Variants in RNASEH2B observed in about 807,000 individuals in gnomAD.
RNASEH2B encodes Aicardi-Goutieres syndrome 2 protein.
RNASEH2B carries 36 observed loss-of-function variants against 45.0 expected under a neutral mutation model. The ratio of observed to expected loss-of-function variants is 0.80; its 90% confidence interval spans 0.61 to 1.06. The LOEUF (loss-of-function observed/expected upper bound fraction) is 1.06. RNASEH2B is among the 50% of genes least tolerant of loss of function. The probability of loss-of-function intolerance (pLI) is 0.00; values close to 1 mark genes in which losing one functional copy is unlikely to be tolerated. For missense variants in RNASEH2B, 361 were observed against 360.3 expected (o/e 1.00, Z -0.02); for synonymous variants, 119 against 125.7 (o/e 0.95, Z 0.35).
intron 8 of RNASEH2B, chr13:50,949,077 T>A (rs1416597254): frequency 5.7e-6 from 1 of 176,250 alleles, no homozygotes; most frequent in East Asian, 1.6e-4. Context: ...GGAAGAAAAG[T>A]TGAAATTTAT....
chr13:50,936,618 C>T (rs1951756039), intron 5 of RNASEH2B: 1 of 152,146 alleles, frequency 6.6e-6, no homozygotes, highest in Non-Finnish European at 1.5e-5. Flanking sequence ...TAGCCCATAA[C>T]CACTTTTAAA....
At chr13:50,916,003 C>T (rs1477569786) in intron 1 of RNASEH2B, among the ~76,000 whole-genome samples, 2 of 149,556 alleles carry the variant, frequency 1.3e-5, no homozygotes, top group South Asian at 2.1e-4. Context: ...TACATTTACA[C>T]GTTTTTCTCA....
intron 5 of RNASEH2B, chr13:50,937,288 C>T (rs1468954646): frequency 6.6e-6 from 1 of 152,112 alleles, no homozygotes; most frequent in Non-Finnish European, 1.5e-5. Flanking sequence ...GTGGCACAAT[C>T]ACGGCTCACT....
chr13:50,931,955 T>TACACACACACACAC lies in RNASEH2B; in HGVS notation c.321+1211_321+1224dup, dbSNP rs60335654. 8.9e-3 allele frequency among the ~76,000 whole-genome samples: 1,326 copies of TACACACACACACAC among 149,002 alleles called. 26 individuals are homozygous for TACACACACACACAC. Among genetic ancestry groups the TACACACACACACAC allele is most frequent in the East Asian group, 0.038 (195 of 5,080 alleles). ...TTCCAAATGTTGACACATCTCATTTTACACACACACACACACACACACACA... is the reference window on the plus strand; with the variant it reads ...TTCCAAATGTTGACACATCTCATTTTACACACACACACACACACACACACACACACACACACACA... On this transcript the variant is annotated intron_variant, in intron 4 of 10. Coordinates refer to ENST00000336617, the MANE Select transcript of RNASEH2B (RefSeq NM_024570.4).
intron 9 of RNASEH2B, chr13:50,950,523 A>T (rs1377198010): frequency 1.3e-5 from 2 of 152,224 alleles, no homozygotes; most frequent in Non-Finnish European, 2.9e-5. Context: ...TGTAAGATCT[A>T]AGGACTGCTC....
rs1439874304 is a variant in RNASEH2B, at chr13:50,953,923, G to A, written c.760G>A (p.Glu254Lys). The A allele has an allele frequency of 2.5e-6, 4 of 1,604,412 alleles. No homozygotes were observed. The African/African-American group carries it at 4.0e-5, about 16-fold the overall frequency. Residue 254 changes from glutamate (E) to lysine (K), a missense_variant, in exon 10 of 11, where the codon GAG (glutamate) becomes AAG (lysine). Transcript: ENST00000336617. ...PPSKKIKLSD[E>K]PVEAKEDYTK... ...GTTGCAGAAAATAAAGTTATCAGAT[G>A]AGCCTGTAGAAGCAAAAGAAGATTA...
At chr13:50,947,097 A>T (rs2137996852) in intron 7 of RNASEH2B, among the ~76,000 whole-genome samples, 1 of 152,296 alleles carries the variant, frequency 6.6e-6, no homozygotes, top group African/African-American at 2.4e-5. Context: ...AATGGAAAAA[A>T]GGAAGTGAGT....
At chr13:50,914,235 C>T (rs186914460) in intron 1 of RNASEH2B, among the ~76,000 whole-genome samples, 7 of 152,150 alleles carry the variant, frequency 4.6e-5, no homozygotes, top group African/African-American at 1.2e-4. Context: ...TACCTAATGG[C>T]TCATGGTTAA....
intron 9 of RNASEH2B, among the ~76,000 whole-genome samples, chr13:50,964,838 C>T (rs1464006974): frequency 1.3e-5 from 2 of 152,140 alleles, no homozygotes; most frequent in African/African-American, 4.8e-5. Flanking sequence ...TGGTTTGTCT[C>T]TATGTGCCTT....
chr13:50,930,860 C>T (rs908126088), intron 4 of RNASEH2B, 101 bp downstream of exon 4: 23 of 907,424 alleles, frequency 2.5e-5, no homozygotes, highest in Non-Finnish European at 1.5e-5. Context: ...TGGATTCTAC[C>T]TTCAGATCTA....
At chr13:50,927,603 G>A in intron 2 of RNASEH2B, 125 bp downstream of exon 2, 1 of 710,356 alleles carries the variant, frequency 1.4e-6, no homozygotes. Context: ...ACCGTGAGGA[G>A]AAGAAAACAA....
In RNASEH2B at chr13:50,970,369, A is replaced by G. The variant is rs746488612; in HGVS notation, c.*405A>G. The G allele has an allele frequency of 5.8e-4, 233 of 404,856 alleles. 1 individual carries two copies. Among genetic ancestry groups the G allele is most frequent in the Middle Eastern group, 2.5e-3 (4 of 1,630 alleles). The allele number at this position is 404,856 out of a possible 1,614,324, so 25.1% of individuals were successfully genotyped here. A position where few individuals can be genotyped will look rare whatever the true frequency, so the allele number is the denominator to read the frequency against. On this transcript the variant is annotated 3_prime_UTR_variant, in exon 10 of 10. Coordinates refer to the RNASEH2B transcript ENST00000422660. ...TAAAAATCTGACACTGCTTTACTCCATATCAATTTGGAAGCTTCTAATTCA... is the reference window on the plus strand; with the variant it reads ...TAAAAATCTGACACTGCTTTACTCCGTATCAATTTGGAAGCTTCTAATTCA...
At chr13:50,951,917 C>T (rs1305983303) in intron 9 of RNASEH2B, 3 of 152,114 alleles carry the variant, frequency 2.0e-5, no homozygotes, top group African/African-American at 7.2e-5. Context: ...CAAGTCATTT[C>T]TCCAATTAAA....
At chr13:50,932,461 C>T (rs116071097) in intron 4 of RNASEH2B, among the ~76,000 whole-genome samples, 1,530 of 152,294 alleles carry the variant, frequency 0.01, 24 homozygotes, top group African/African-American at 0.034. Context: ...TTAAACTGCA[C>T]ATAAATGGCG....
At chr13:50,929,419 T>C in intron 2 of RNASEH2B, 56 bp from the exon 3 acceptor site, 2 of 1,021,150 alleles carry the variant, frequency 2.0e-6, no homozygotes, top group Non-Finnish European at 3.1e-6. Flanking sequence ...GGGGTGTGTG[T>C]GTGTTTGTGT....
chr13:50,929,494 G>A lies in RNASEH2B; in HGVS notation c.156G>A (p.Leu52=), dbSNP rs35416748. 1.6e-3 allele frequency: 2,652 copies of A among 1,613,016 alleles called. 37 individuals carry two copies. The African/African-American group carries it at 0.031, about 19-fold the overall frequency. ...TAACAGGAGAAGGAGCCATTTACTT[G>A]TTCAATATGTGTCTACAGCAGCTGT... ...NPCSGEGAIY[L]FNMCLQQLFE... is the part of the protein sequence containing the mutation. Residue 52 remains leucine, a synonymous_variant, in exon 3 of 11, where the codon TTG becomes TTA. Coordinates refer to ENST00000336617, the MANE Select transcript of RNASEH2B (RefSeq NM_024570.4).
At chr13:50,947,878 C>T in intron 7 of RNASEH2B, 109 bp from the exon 8 acceptor site, 2 of 1,560,012 alleles carry the variant, frequency 1.3e-6, no homozygotes, top group South Asian at 1.1e-5. Flanking sequence ...TAAGTGAGTT[C>T]CCTTTATCCA....
At chr13:50,916,269 T>G (rs1879735710) in intron 1 of RNASEH2B, among the ~76,000 whole-genome samples, 1 of 152,206 alleles carries the variant, frequency 6.6e-6, no homozygotes. Context: ...CCCTTACTAC[T>G]TATTTAATGT....
rs1011818304 is a variant in RNASEH2B, at chr13:50,956,704, CT to C, written c.*232del. ...CATCTGACATAATGAAAAGTAATCACTTGAAGAGAATTAACATATAGCATCA... is the reference window on the plus strand; with the variant it reads ...CATCTGACATAATGAAAAGTAATCACTGAAGAGAATTAACATATAGCATCA... On this transcript the variant is annotated 3_prime_UTR_variant, in exon 11 of 11. Coordinates refer to ENST00000336617, the MANE Select transcript of RNASEH2B (RefSeq NM_024570.4). 2.0e-5 allele frequency: 25 copies of C among 1,263,220 alleles called. No homozygotes were observed. In the African/African-American group the frequency reaches 3.7e-4, roughly 19 times the overall value. The allele number at this position is 1,263,220 out of a possible 1,614,324, so 78.3% of individuals were successfully genotyped here.
Sources: gnomAD v4.1 joint callset for allele counts (sites outside exome capture counted in the v4.1 genomes callset) on GRCh38, gnomAD v4.1.1 for gene constraint, MANE v1.5 for transcripts, NCBI Gene and HGNC (gene_info 2026-07-23, HGNC 2026-07-21) for gene names.